ITSN2: variants seen among roughly 807,000 people sequenced by gnomAD.
ITSN2 encodes the protein intersectin 2, also known as intersectin-2.
In ITSN2, 156 loss-of-function variants were observed where a neutral mutation model predicts 243.7. The ratio of observed to expected loss-of-function variants is 0.64; its 90% CI spans 0.56 to 0.73. The LOEUF (loss-of-function observed/expected upper bound fraction) is 0.73, where lower values mean the gene tolerates loss of function less well. Among genes scored for constraint, ITSN2 ranks in the 30% least tolerant of loss-of-function variants. ITSN2 has a pLI of 0.00. For synonymous variants in ITSN2, 703 were observed against 699.9 expected (o/e 1.00, Z -0.07); for missense variants, 1,801 against 1,996.1 (o/e 0.90, Z 1.86).
At chr2:24,224,604 C>G (rs1366284965) in intron 29 of ITSN2, among the ~76,000 whole-genome samples, 2 of 151,812 alleles carry the variant, frequency 1.3e-5, no homozygotes, top group African/African-American at 4.8e-5. Context: ...GCCTAGCTGA[C>G]CCTTTTGCAT....
In ITSN2 at chr2:24,205,281, A is replaced by G. The variant is rs780498018; in HGVS notation, c.4695T>C (p.Thr1565=). 1.2e-6 allele frequency: 2 copies of G among 1,613,864 alleles called. No homozygotes were observed. Residue 1565 remains threonine (T), a synonymous_variant, in exon 38 of 40, where the codon ACT becomes ACC. Coordinates refer to ENST00000355123, the MANE Select transcript of ITSN2 (RefSeq NM_006277.3). Reference sequence around the variant, plus strand: ...GCACCATCAGGCGCCCAATGCCTGAAGTCTTTTGGGAGCGGGCTACAAAAG... The same window carrying G: ...GCACCATCAGGCGCCCAATGCCTGAGGTCTTTTGGGAGCGGGCTACAAAAG... The part of the protein sequence containing the change: ...EKAYQARSQK[T]SGIGRLMVHV...
intron 24 of ITSN2, among the ~76,000 whole-genome samples, chr2:24,253,018 G>A (rs1319608324): frequency 6.6e-6 from 1 of 152,178 alleles, no homozygotes; most frequent in African/African-American, 2.4e-5. Context: ...CCATCCTGAT[G>A]ACCCAGCTCC....
At chr2:24,292,215 A>C (rs1364740391) in intron 15 of ITSN2, among the ~76,000 whole-genome samples, 1 of 152,246 alleles carries the variant, frequency 6.6e-6, no homozygotes, top group African/African-American at 2.4e-5. Context: ...TAAATAAATA[A>C]ATAGGTAACA....
At chr2:24,270,066 G>A (rs1394068196) in intron 20 of ITSN2, among the ~76,000 whole-genome samples, 1 of 152,176 alleles carries the variant, frequency 6.6e-6, no homozygotes, top group Non-Finnish European at 1.5e-5. Context: ...TGACAGTGCA[G>A]GGGGAGCGGG....
At chr2:24,230,772 A>G (rs1671512209) in intron 29 of ITSN2, among the ~76,000 whole-genome samples, 1 of 152,188 alleles carries the variant, frequency 6.6e-6, no homozygotes, top group Non-Finnish European at 1.5e-5. Context: ...CCATCTCAAA[A>G]AAAAGAAATA....
At chr2:24,261,080 G>C (rs780719238) in intron 22 of ITSN2, 26 bp downstream of exon 22, 1 of 1,595,808 alleles carries the variant, frequency 6.3e-7, no homozygotes, top group Admixed American at 1.8e-5. Context: ...AAAGAATAAA[G>C]CCCACAAAAA....
Position 24,261,234 on chromosome 2 carries a change from G to C in ITSN2, c.2554C>G (p.Gln852Glu). ...STSSEPLSSN[Q>E]PASVTDYQNV... ...TGATAATCAGTCACTGATGCTGGTT[G>C]ATTTGAAGAAAGTGGTCTGCAAATA... Residue 852 changes from glutamine (Q) to glutamate (E), a missense_variant, in exon 22 of 40, where the codon CAA (glutamine) becomes GAA (glutamate). Gln to Glu is a conservative substitution (Grantham distance 29). Coordinates refer to ENST00000355123, the MANE Select transcript of ITSN2 (RefSeq NM_006277.3). 6.2e-7 allele frequency: 1 copy of C among 1,611,092 alleles called. No homozygotes were observed. Among genetic ancestry groups the C allele is most frequent in the Non-Finnish European group, 8.5e-7 (1 of 1,177,732 alleles).
At chr2:24,307,866 T>C (rs1414640620) in intron 8 of ITSN2, among the ~76,000 whole-genome samples, 1 of 152,184 alleles carries the variant, frequency 6.6e-6, no homozygotes, top group South Asian at 2.1e-4. Flanking sequence ...AAATCCTAAC[T>C]TTTTCATGGA....
rs1160673999 is a variant in ITSN2, at chr2:24,301,958, C to T, written c.995+7G>A. The T allele has an allele frequency of 6.2e-7, 1 of 1,605,198 alleles. No homozygotes were observed. The highest frequency in any genetic ancestry group is 8.5e-7 in the Non-Finnish European group (1 of 1,175,464). ...AACCATAGTTCTCCACCTCCAGGCA[C>T]ACTCACCTGAAAGATGGAGGAACAA... On this transcript the variant is annotated splice_region_variant and intron_variant, in intron 10 of 39. Coordinates refer to ENST00000355123, the MANE Select transcript of ITSN2 (RefSeq NM_006277.3).
chr2:24,210,781 T>A lies in ITSN2; in HGVS notation c.4256A>T (p.Glu1419Val), dbSNP rs1448690176. ...QAHVQCEGLA[E>V]QLIFNSLTNC... ...ACGGCTTAACCACACAGGCCTGACCTCCGCGAGGCCTTCACACTGCACGTG... is the reference window on the plus strand; with the variant it reads ...ACGGCTTAACCACACAGGCCTGACCACCGCGAGGCCTTCACACTGCACGTG... The change falls in exon 34 of 40, where the codon GAG (glutamate) becomes GTG (valine). Residue 1419 changes from glutamate (E) to valine (V), a missense_variant and splice_region_variant. By Grantham distance (121) the Glu-to-Val change is moderately radical. Coordinates refer to ENST00000355123, the MANE Select transcript of ITSN2 (RefSeq NM_006277.3). 1 of 1,613,438 alleles carries A rather than the reference T, an allele frequency of 6.2e-7. No homozygotes were observed. The highest frequency in any genetic ancestry group is 1.7e-5 in the Admixed American group (1 of 60,012).
intron 1 of ITSN2, among the ~76,000 whole-genome samples, chr2:24,341,578 G>C (rs1004259120): frequency 6.6e-6 from 1 of 152,154 alleles, no homozygotes; most frequent in Non-Finnish European, 1.5e-5. Context: ...GGCAATAAAT[G>C]TTTAAAATAA....
chr2:24,244,327 A>G (rs1673090384), intron 29 of ITSN2, among the ~76,000 whole-genome samples: 1 of 152,192 alleles, frequency 6.6e-6, no homozygotes, highest in Non-Finnish European at 1.5e-5. Flanking sequence ...GCAGAGGGGA[A>G]ACTGAAAGGA....
chr2:24,295,811 G>A lies in ITSN2; in HGVS notation c.1495-7C>T. On this transcript the variant is annotated splice_region_variant and splice_polypyrimidine_tract_variant and intron_variant, in intron 13 of 39. Transcript: ENST00000355123. ...TCTGCTGATGTTTGCCATTCTATAG[G>A]AAGATCATATAAATATATAGTAACA... is the stretch of plus-strand genomic sequence containing the variant. 2.0e-6 allele frequency: 3 copies of A among 1,514,944 alleles called. No individual in the cohort carries two copies. Among genetic ancestry groups the A allele is most frequent in the South Asian group, 2.7e-5 (2 of 73,416 alleles). The allele number at this position is 1,514,944 out of a possible 1,614,324, so 93.8% of individuals were successfully genotyped here. A position where few individuals can be genotyped will look rare whatever the true frequency, so the allele number is the denominator to read the frequency against.
chr2:24,253,041 T>C (rs1674555578), intron 24 of ITSN2, among the ~76,000 whole-genome samples: 1 of 152,220 alleles, frequency 6.6e-6, no homozygotes, highest in South Asian at 2.1e-4. Context: ...GCACAGTGCT[T>C]GACTTGGAGT....
rs34385491 is a variant in ITSN2, at chr2:24,260,903, C to CAA, written c.2682+201_2682+202dup. Among the ~76,000 whole-genome samples, 5,363 of 117,706 alleles carry CAA rather than the reference C, an allele frequency of 0.046. 276 individuals carry two copies. Among genetic ancestry groups the CAA allele is most frequent in the Middle Eastern group, 0.07 (16 of 228 alleles). 77.2% of individuals were successfully genotyped at this position (117,706 alleles called of 152,430 possible). ...TGGGCAACAGAGTGAGGCTCCGTCT[C>CAA]AAAAAAAAAAAAAAAAAAATTGTTG... is the stretch of plus-strand genomic sequence containing the variant. On this transcript the variant is annotated intron_variant, in intron 22 of 39. Coordinates refer to ENST00000355123, the MANE Select transcript of ITSN2 (RefSeq NM_006277.3).
chr2:24,298,916 A>C (rs1681352047), intron 12 of ITSN2, 102 bp from the exon 13 acceptor site: 2 of 977,602 alleles, frequency 2.0e-6, no homozygotes, highest in Non-Finnish European at 3.0e-6. Context: ...TTTAGCACTT[A>C]GTGGCTTTAG....
In ITSN2 at chr2:24,211,977, T is replaced by C. The variant is rs767445868; in HGVS notation, c.4089+673A>G. ...TAACAGACCAAAAGTCAAGGAATCA[T>C]CAATAGAAGTAACAAGCTTATCATA... On this transcript the variant is annotated intron_variant, in intron 33 of 39. Coordinates refer to ENST00000355123, the MANE Select transcript of ITSN2 (RefSeq NM_006277.3). This position sits in a 1 kb window ranked among gnomAD's most constrained non-coding sequence, Gnocchi z 4.1. Among the ~76,000 whole-genome samples, 2 of 152,206 alleles carry C rather than the reference T, an allele frequency of 1.3e-5. No homozygotes were observed. Among genetic ancestry groups the C allele is most frequent in the Non-Finnish European group, 2.9e-5 (2 of 68,036 alleles).
At chr2:24,271,359 T>A (rs1453343933) in intron 19 of ITSN2, among the ~76,000 whole-genome samples, 2 of 152,280 alleles carry the variant, frequency 1.3e-5, no homozygotes, top group East Asian at 3.9e-4. Context: ...ATTCAAAGGG[T>A]TCATGTATCT....
intron 15 of ITSN2, 177 bp downstream of exon 15, chr2:24,293,511 C>A: frequency 2.7e-6 from 1 of 373,744 alleles, no homozygotes; most frequent in South Asian, 7.2e-5. Flanking sequence ...TACTTTTTAT[C>A]ACTAAAAATG....
Sources: gnomAD v4.1 joint callset for allele counts (sites outside exome capture counted in the v4.1 genomes callset) on GRCh38, gnomAD v4.1.1 for gene constraint, Gnocchi (gnomAD v3.1) non-coding constraint, MANE v1.5 for transcripts, NCBI Gene and HGNC (gene_info 2026-07-23, HGNC 2026-07-21) for gene names.